PDHB: variants seen among roughly 807,000 people sequenced by gnomAD.
PDHB encodes pyruvate dehydrogenase E1 subunit beta, also known as pyruvate dehydrogenase E1 component subunit beta, mitochondrial.
In PDHB, 17 loss-of-function variants were observed where a neutral mutation model predicts 42.8. The observed-to-expected ratio is 0.40, with a 90% confidence interval of 0.27 to 0.60. The LOEUF is 0.60. PDHB is among the 20% of genes least tolerant of loss of function. The pLI, the probability that PDHB is intolerant of heterozygous loss-of-function variation, is 0.46. For missense variants in PDHB, 322 were observed against 451.3 expected (o/e 0.71, Z 2.60); for synonymous variants, 154 against 148.7 (o/e 1.04, Z -0.26).
chr3:58,433,575 C>T (rs1243809865), intron 2 of PDHB, 56 bp downstream of exon 2: 4 of 1,555,454 alleles, frequency 2.6e-6, no homozygotes, highest in Non-Finnish European at 3.5e-6. Flanking sequence ...GGCCTCCTTC[C>T]CGAGAGAAGG....
Position 58,428,140 on chromosome 3 carries a change from A to G in PDHB, c.974T>C (p.Val325Ala). 1 of 1,613,884 alleles carries G rather than the reference A, an allele frequency of 6.2e-7. No individual in the cohort carries two copies. The highest frequency in any genetic ancestry group is 8.5e-7 in the Non-Finnish European group (1 of 1,179,706). ...FNFLDAPAVR[V>A]TGADVPMPYA... ...AGGCATAGGGACATCAGCACCAGTG[A>G]CACGAACAGCAGGAGCATCCAGGAA... is the stretch of plus-strand genomic sequence containing the variant. Residue 325 changes from valine (V) to alanine (A), a missense_variant, in exon 10 of 10, where the codon GTC becomes GCC. Transcript: ENST00000302746.
rs777024340 is a variant in PDHB at position 58,430,170 on chromosome 3, C to T, written c.658G>A (p.Asp220Asn). The T allele has an allele frequency of 6.2e-7, 1 of 1,612,936 alleles. No individual in the cohort carries two copies. Among genetic ancestry groups the T allele is most frequent in the Non-Finnish European group, 8.5e-7 (1 of 1,179,166 alleles). Residue 220 changes from aspartate (D) to asparagine (N), a missense_variant, in exon 7 of 10, where the codon GAT becomes AAT. By Grantham distance (23) the Asp-to-Asn change is conservative. This residue lies in a region of PDHB where 208 missense variants were observed against 285.0 expected (regional missense o/e 0.73). Transcript: ENST00000302746. ...GCTTTTCCAATAGGAATCAGAAAAT[C>T]TTTTGACTGAGCTTCCGGAGGAAAT... ...FEFPPEAQSKDFLIPIGKAKI... is the reference protein window; with the variant it reads ...FEFPPEAQSKNFLIPIGKAKI...
In PDHB at chr3:58,433,555, G is replaced by A. The variant is rs186327119; in HGVS notation, c.96+76C>T. The A allele has an allele frequency of 7.6e-3, 11,313 of 1,483,166 alleles. 60 individuals carry two copies. The highest frequency in any genetic ancestry group is 0.017 in the Middle Eastern group (75 of 4,424). The allele number at this position is 1,483,166 out of a possible 1,614,324, so 91.9% of individuals were successfully genotyped here. Reference sequence around the variant, plus strand: ...ACGGCGCCGGAAGGCCACAGCGCAGGCGCGACTCCGGCCTCCTTCCCGAGA... The same window carrying A: ...ACGGCGCCGGAAGGCCACAGCGCAGACGCGACTCCGGCCTCCTTCCCGAGA... On this transcript the variant is annotated intron_variant, in intron 2 of 9. Transcript: ENST00000302746.
intron 2 of PDHB, chr3:58,432,489 G>A (rs2062928455): frequency 5.4e-6 from 1 of 185,578 alleles, no homozygotes; most frequent in African/African-American, 2.4e-5. Flanking sequence ...TTGAGGTCAG[G>A]AGTTCGAGAC....
rs180863888 is a variant in PDHB, at chr3:58,428,273, T to G, written c.935-94A>C. On this transcript the variant is annotated intron_variant, in intron 9 of 9. Coordinates refer to ENST00000302746, the MANE Select transcript of PDHB (RefSeq NM_000925.4). ...TGTGGCTGACCAGGAAGAGAAAATG[T>G]AAGGAATGCTAATTATGGGGAACCG... is the stretch of plus-strand genomic sequence containing the variant. 3.4e-5 allele frequency: 44 copies of G among 1,292,484 alleles called. No individual in the cohort carries two copies. In the East Asian group the frequency reaches 8.1e-4, roughly 24 times the overall value. 80.1% of individuals were successfully genotyped at this position (1,292,484 alleles called of 1,614,324 possible). A position where few individuals can be genotyped will look rare whatever the true frequency, so the allele number is the denominator to read the frequency against.
intron 6 of PDHB, among the ~76,000 whole-genome samples, chr3:58,430,448 G>A (rs903967742): frequency 9.2e-5 from 14 of 152,160 alleles, no homozygotes; most frequent in Non-Finnish European, 1.9e-4. Context: ...TTGTGGGTGT[G>A]CAGTAAATGT....
chr3:58,428,899 G>C (rs1214457047), intron 8 of PDHB: 3 of 409,958 alleles, frequency 7.3e-6, no homozygotes, highest in Non-Finnish European at 1.3e-5. Context: ...TTGTTGTCCA[G>C]GCTGGAGTGC....
intron 8 of PDHB, among the ~76,000 whole-genome samples, chr3:58,429,436 GT>G (rs1332808521): frequency 6.6e-6 from 1 of 151,654 alleles, no homozygotes; most frequent in Non-Finnish European, 1.5e-5. Flanking sequence ...ACAAAAGCCT[GT>G]TTTTTTCTCT....
intron 8 of PDHB, chr3:58,428,817 C>G (rs2062895525): frequency 3.4e-6 from 2 of 593,914 alleles, no homozygotes; most frequent in African/African-American, 1.9e-5. Context: ...CTACCACAAG[C>G]AGCTCTGTGC....
At chr3:58,432,600 G>C (rs1243276180) in intron 2 of PDHB, 1 of 159,578 alleles carries the variant, frequency 6.3e-6, no homozygotes, top group African/African-American at 2.4e-5. Flanking sequence ...GGGAGGCTGA[G>C]GCAGAATTGC....
rs1292480962 is a variant in PDHB at position 58,430,862 on chromosome 3, G to C, written c.384C>G (p.Ala128=). The change falls in exon 6 of 10, where the codon GCC becomes GCG. Residue 128 remains alanine, a synonymous_variant. Coordinates refer to ENST00000302746, the MANE Select transcript of PDHB (RefSeq NM_000925.4). ...GGCCACCAGACATGTAGTAGGTCTT[G>C]GCAGCTGAGTTTATAACCTGGTCAA... ...QAIDQVINSA[A]KTYYMSGGLQ... The C allele has an allele frequency of 6.2e-7, 1 of 1,614,104 alleles. No individual in the cohort carries two copies.
intron 2 of PDHB, 62 bp downstream of exon 2, chr3:58,433,569 T>G (rs1182292785): frequency 1.3e-6 from 2 of 1,537,764 alleles, no homozygotes; most frequent in African/African-American, 2.7e-5. Flanking sequence ...GACTCCGGCC[T>G]CCTTCCCGAG....
In PDHB at chr3:58,430,636, C is replaced by A. The variant is rs770144405; in HGVS notation, c.589+21G>T. Reference sequence around the variant, plus strand: ...TTAGTTTTTCAATCTTCAAAAAAAACCAAAGGGTCCCTGTGCTGACCTGGA... The same window carrying A: ...TTAGTTTTTCAATCTTCAAAAAAAAACAAAGGGTCCCTGTGCTGACCTGGA... On this transcript the variant is annotated intron_variant, in intron 6 of 9. Transcript: ENST00000302746. The A allele has an allele frequency of 6.2e-6, 10 of 1,608,306 alleles. No individual in the cohort carries two copies. The Admixed American group carries it at 1.3e-4, about 21-fold the overall frequency.
In PDHB at chr3:58,433,802, G is replaced by C; in HGVS notation, c.8C>G (p.Ala3Gly). The C allele has an allele frequency of 6.2e-7, 1 of 1,611,388 alleles. No individual in the cohort carries two copies. The highest frequency in any genetic ancestry group is 1.1e-5 in the South Asian group (1 of 90,698). The change falls in exon 1 of 10, where the codon GCG becomes GGG. Residue 3 changes from alanine to glycine, a missense_variant. Transcript: ENST00000302746. MA[A>G]VSGLVRRPLR... ...GGGTCTCCGCACCAAGCCAGACACC[G>C]CCGCCATCTTGGTCGTGTCCTCTAT... is the stretch of plus-strand genomic sequence containing the variant.
chr3:58,429,211 C>A (rs750073759), intron 8 of PDHB, among the ~76,000 whole-genome samples: 2 of 152,220 alleles, frequency 1.3e-5, no homozygotes, highest in South Asian at 4.1e-4. Flanking sequence ...ATTCTCACAA[C>A]AGCCCTATGA....
intron 7 of PDHB, 37 bp from the exon 8 acceptor site, chr3:58,429,836 G>A: frequency 8.2e-7 from 1 of 1,218,528 alleles, no homozygotes; most frequent in Non-Finnish European, 1.2e-6. Context: ...AGATCAGGTT[G>A]AAACTGAAGA....
At position 58,431,535 on chromosome 3, in the gene PDHB, G is replaced by T; in HGVS notation, c.303+58C>A. 1 of 1,368,916 alleles carries T rather than the reference G, an allele frequency of 7.3e-7. No individual in the cohort carries two copies. The highest frequency in any genetic ancestry group is 1.2e-5 in the South Asian group (1 of 85,252). The allele number at this position is 1,368,916 out of a possible 1,614,324, so 84.8% of individuals were successfully genotyped here. On this transcript the variant is annotated intron_variant, in intron 5 of 9. Coordinates refer to ENST00000302746, the MANE Select transcript of PDHB (RefSeq NM_000925.4). This position sits in a 1 kb window ranked among gnomAD's most constrained non-coding sequence, Gnocchi z 4.4. ...AACAGAGTGAGACTCTGTCTCAAAAGAAAAAAAAAGAAAACAAGAAATGTC... is the reference window on the plus strand; with the variant it reads ...AACAGAGTGAGACTCTGTCTCAAAATAAAAAAAAAGAAAACAAGAAATGTC...
At chr3:58,428,385 G>A (rs2062891593) in intron 9 of PDHB, 88 bp downstream of exon 9, 1 of 1,464,368 alleles carries the variant, frequency 6.8e-7, no homozygotes, top group Non-Finnish European at 9.6e-7. Context: ...GCCACTCCTA[G>A]CTTTCAATCT....
intron 6 of PDHB, 57 bp downstream of exon 6, chr3:58,430,598 CAA>C: frequency 7.2e-7 from 1 of 1,379,778 alleles, no homozygotes; most frequent in Non-Finnish European, 1.0e-6. Flanking sequence ...TTCCTCTGTG[CAA>C]ATATATCATT....
Sources: allele counts gnomAD v4.1 joint callset (sites outside exome capture counted in the v4.1 genomes callset), GRCh38; gene constraint gnomAD v4.1.1; regional missense constraint gnomAD v4.1.1; non-coding constraint Gnocchi (gnomAD v3.1); transcripts MANE v1.5; gene names NCBI Gene and HGNC (gene_info 2026-07-23, HGNC 2026-07-21).